TPRA1: variants seen among roughly 807,000 people sequenced by gnomAD.
TPRA1 encodes transmembrane protein adipocyte associated 1.
A neutral mutation model predicts 40.1 loss-of-function variants in TPRA1; 28 were observed. The observed-to-expected ratio is 0.70, with a 90% confidence interval of 0.52 to 0.96. The LOEUF (loss-of-function observed/expected upper bound fraction) is 0.96. TPRA1 is among the 40% of genes least tolerant of loss of function. The pLI is 0.00. For synonymous variants in TPRA1, 219 were observed against 209.7 expected (o/e 1.04, Z -0.38); for missense variants, 441 against 482.6 (o/e 0.91, Z 0.81).
At chr3:127,575,022 G>A (rs368987848) in intron 10 of TPRA1, 163 bp downstream of exon 10, 2 of 720,226 alleles carry the variant, frequency 2.8e-6, no homozygotes, top group Non-Finnish European at 2.3e-6. Context: ...GTGTGCATGT[G>A]CATGTGTATC....
rs75067887 is a variant in TPRA1, at chr3:127,577,014, C to T, written c.321G>A (p.Ser107=). The T allele has an allele frequency of 1.2e-6, 2 of 1,613,752 alleles. No individual in the cohort carries two copies. The highest frequency in any genetic ancestry group is 1.7e-6 in the Non-Finnish European group (2 of 1,180,022). Residue 107 remains serine, a synonymous_variant, in exon 4 of 11, where the codon TCG becomes TCA. Coordinates refer to ENST00000355552, the MANE Select transcript of TPRA1 (RefSeq NM_001136053.4). ...CCTTATCAGCAACAGTTGCAGCGTT[C>T]GAGGTGCTCACCGTCATGGATACCA... ...RAVVSMTVST[S]NAATVADKIL...
At chr3:127,583,528 A>G (rs796814885) in intron 1 of TPRA1, among the ~76,000 whole-genome samples, 26 of 152,282 alleles carry the variant, frequency 1.7e-4, no homozygotes, top group African/African-American at 6.3e-4. Flanking sequence ...ATTAAAAATA[A>G]TAAAATGAGG....
In TPRA1 at chr3:127,572,846, C is replaced by A. The variant is rs761495884; in HGVS notation, c.*675G>T. Among the ~76,000 whole-genome samples the A allele has an allele frequency of 4.5e-4, 68 of 152,326 alleles. No individual in the cohort carries two copies. Among genetic ancestry groups the A allele is most frequent in the Non-Finnish European group, 8.7e-4 (59 of 68,030 alleles). On this transcript the variant is annotated 3_prime_UTR_variant, in exon 11 of 11. Coordinates refer to ENST00000355552, the MANE Select transcript of TPRA1 (RefSeq NM_001136053.4). ...CTCACAAAACATAGTTCTCCTCTCTCTCCATGTCTGTCCCCCCTACTCAGA... is the reference window on the plus strand; with the variant it reads ...CTCACAAAACATAGTTCTCCTCTCTATCCATGTCTGTCCCCCCTACTCAGA...
At chr3:127,597,552 G>A (rs2074256541) in intron 1 of TPRA1, among the ~76,000 whole-genome samples, 1 of 152,166 alleles carries the variant, frequency 6.6e-6, no homozygotes, top group Non-Finnish European at 1.5e-5. Flanking sequence ...AGTTCTTAGG[G>A]AGGGGCTTGC....
At position 127,576,258 on chromosome 3, in the gene TPRA1, G is replaced by A. The variant is rs894174162; in HGVS notation, c.499-208C>T. ...TCCAGAGCCGGCCCAGTCTTGGGCT[G>A]AGTCACATGGGGAAGGGGGCAGAGA... On this transcript the variant is annotated intron_variant, in intron 6 of 10. Transcript: ENST00000355552. The surrounding 1 kb of genome is among the most constrained non-coding windows in gnomAD (Gnocchi z 4.6). Among the ~76,000 whole-genome samples the A allele has an allele frequency of 1.3e-5, 2 of 152,178 alleles. No individual in the cohort carries two copies. Among genetic ancestry groups the A allele is most frequent in the South Asian group, 2.1e-4 (1 of 4,836 alleles).
upstream of TPRA1, among the ~76,000 whole-genome samples, chr3:127,593,379 G>A (rs926970094): frequency 4.6e-5 from 7 of 152,212 alleles, no homozygotes; most frequent in Non-Finnish European, 4.4e-5. Context: ...ACGCCAGATG[G>A]TAGTGCTTAG....
rs1345581571 is a variant in TPRA1, at chr3:127,572,634, T to C, written c.*887A>G. ...CTAAAAATAAGAGCTATCCTTATCG[T>C]TCATTACTGTACGCCAGCCACTCGT... On this transcript the variant is annotated 3_prime_UTR_variant, in exon 11 of 11. Coordinates refer to ENST00000355552, the MANE Select transcript of TPRA1 (RefSeq NM_001136053.4). Among the ~76,000 whole-genome samples, 1 of 152,198 alleles carries C rather than the reference T, an allele frequency of 6.6e-6. No homozygotes were observed. The highest frequency in any genetic ancestry group is 1.5e-5 in the Non-Finnish European group (1 of 68,036).
chr3:127,591,284 GC>G (rs1418808356), upstream of TPRA1, among the ~76,000 whole-genome samples: 2 of 152,202 alleles, frequency 1.3e-5, no homozygotes, highest in African/African-American at 4.8e-5. Context: ...GCGCCGCCAT[GC>G]CTCGGGCACT....
exon 1 of TPRA1, chr3:127,598,174 C>A (rs949641105): frequency 9.6e-6 from 5 of 519,940 alleles, no homozygotes; most frequent in South Asian, 6.1e-5. Context: ...GTCGTCGGGT[C>A]CCCTGGAGCC....
upstream of TPRA1, chr3:127,594,753 G>A (rs60317558): frequency 0.1 from 15,408 of 152,394 alleles, 817 homozygotes; most frequent in African/African-American, 0.12. Flanking sequence ...AAAAGGCTGC[G>A]CTTGATCACA....
At chr3:127,580,279 C>T in intron 1 of TPRA1, 116 bp from the exon 2 acceptor site, 1 of 1,154,546 alleles carries the variant, frequency 8.7e-7, no homozygotes, top group Non-Finnish European at 1.2e-6. Context: ...CCCCTGTAAA[C>T]CACCCTCCCC....
intron 1 of TPRA1, among the ~76,000 whole-genome samples, chr3:127,581,275 C>A (rs951407705): frequency 6.6e-6 from 1 of 152,184 alleles, no homozygotes; most frequent in Non-Finnish European, 1.5e-5. Flanking sequence ...CAGCCCCAGG[C>A]GGGGAGCAGC....
intron 1 of TPRA1, among the ~76,000 whole-genome samples, chr3:127,596,110 G>A (rs535620522): frequency 1.3e-5 from 2 of 150,916 alleles, no homozygotes; most frequent in Non-Finnish European, 2.9e-5. Context: ...ATAGAGTTTC[G>A]CTCTTTTTGC....
intron 10 of TPRA1, 128 bp downstream of exon 10, chr3:127,575,053 CATGT>C (rs1402281984): frequency 3.7e-5 from 35 of 938,154 alleles, no homozygotes; most frequent in South Asian, 3.4e-4. Context: ...TGCCCAAGTG[CATGT>C]ATGTATGTGC....
intron 1 of TPRA1, among the ~76,000 whole-genome samples, chr3:127,581,607 A>G (rs2073833468): frequency 6.6e-6 from 1 of 152,098 alleles, no homozygotes; most frequent in South Asian, 2.1e-4. Flanking sequence ...TACTTCAGTA[A>G]ATTTTAAAAA....
intron 1 of TPRA1, among the ~76,000 whole-genome samples, chr3:127,581,136 CG>C (rs1559842077): frequency 6.6e-6 from 1 of 152,284 alleles, no homozygotes; most frequent in African/African-American, 2.4e-5. Flanking sequence ...GCAGGGAGTT[CG>C]GGGTGATCCA....
chr3:127,583,878 C>T (rs2073912862), intron 1 of TPRA1, among the ~76,000 whole-genome samples: 1 of 151,916 alleles, frequency 6.6e-6, no homozygotes, highest in Admixed American at 6.6e-5. Flanking sequence ...ATCACGTTGG[C>T]CAGGATGGTC....
intron 1 of TPRA1, among the ~76,000 whole-genome samples, chr3:127,590,063 G>A (rs2074122027): frequency 6.6e-6 from 1 of 152,216 alleles, no homozygotes; most frequent in Admixed American, 6.5e-5. Context: ...CCGTGGGGCT[G>A]GAGCCCGTGC....
upstream of TPRA1, among the ~76,000 whole-genome samples, chr3:127,592,371 T>TG (rs1320876040): frequency 3.1e-5 from 4 of 127,304 alleles, no homozygotes; most frequent in Non-Finnish European, 6.8e-5. Flanking sequence ...CATGCTGTTT[T>TG]TTTTTTTTTT....
Sources: allele counts gnomAD v4.1 joint callset (sites outside exome capture counted in the v4.1 genomes callset), GRCh38; gene constraint gnomAD v4.1.1; non-coding constraint Gnocchi (gnomAD v3.1); transcripts MANE v1.5; gene names NCBI Gene and HGNC (gene_info 2026-07-23, HGNC 2026-07-21).